Variants in ITGA10 observed in about 807,000 individuals in gnomAD.
ITGA10 encodes integrin alpha-10.
A neutral mutation model predicts 145.2 loss-of-function variants in ITGA10; 105 were observed. That is an observed-to-expected ratio of 0.72 (90% confidence interval 0.62 to 0.85). ITGA10 has a LOEUF of 0.85. Among genes scored for constraint, ITGA10 ranks in the 40% least tolerant of loss-of-function variants. The pLI, the probability that ITGA10 is intolerant of heterozygous loss-of-function variation, is 0.00. For missense variants in ITGA10, 1,317 were observed against 1,444.5 expected (o/e 0.91, Z 1.43); for synonymous variants, 506 against 557.8 (o/e 0.91, Z 1.31).
intron 16 of ITGA10, 44 bp from the exon 17 acceptor site, chr1:145,899,122 AG>A: frequency 6.2e-7 from 1 of 1,614,262 alleles, no homozygotes. Context: ...GGGTCTAGTG[AG>A]GAAGGCATGC....
At chr1:145,899,711 A>G (rs1239814494) in intron 15 of ITGA10, among the ~76,000 whole-genome samples, 1 of 151,990 alleles carries the variant, frequency 6.6e-6, no homozygotes, top group Non-Finnish European at 1.5e-5. Flanking sequence ...GGGTTTCACC[A>G]TGTTGGTCAG....
In ITGA10 at chr1:145,902,519, A is replaced by T. The variant is rs1553749261; in HGVS notation, c.1010T>A (p.Val337Asp). Residue 337 changes from valine to aspartate, a missense_variant, in exon 9 of 30, where the codon GTC becomes GAC. Transcript: ENST00000369304. The stretch of plus-strand genomic sequence containing the variant: ...GTCAGTCAGAGCAGCCTCATCTGTG[A>T]CATTGAAGAAGAATCGCTCATCTGG... ...SDPDERFFFN[V>D]TDEAALTDIV... 1 of 1,613,946 alleles carries T rather than the reference A, an allele frequency of 6.2e-7. No homozygotes were observed. Among genetic ancestry groups the T allele is most frequent in the South Asian group, 1.1e-5 (1 of 91,042 alleles).
rs2101803676 is a variant in ITGA10 at position 145,902,279 on chromosome 1, C to T, written c.1116G>A (p.Met372Ile). The T allele has an allele frequency of 6.2e-7, 1 of 1,614,162 alleles. No homozygotes were observed. Among genetic ancestry groups the T allele is most frequent in the Non-Finnish European group, 8.5e-7 (1 of 1,180,030 alleles). ...AENESSFGLE[M>I]SQIGFSTHRL... ...GATGAGTGGAGAAACCAATCTGAGA[C>T]ATTTCCAGCCCAAAGGAGCTTTCGT... Residue 372 changes from methionine to isoleucine, a missense_variant, in exon 10 of 30, where the codon ATG becomes ATA. Transcript: ENST00000369304.
rs1656304522 is a variant in ITGA10, at chr1:145,901,457, C to T, written c.1443+59G>A. ...CTCTCTTACCCACTTCACACTCCTCCCCAACAGCCCAGAGGTCCCTGGGAA... is the reference window on the plus strand; with the variant it reads ...CTCTCTTACCCACTTCACACTCCTCTCCAACAGCCCAGAGGTCCCTGGGAA... On this transcript the variant is annotated intron_variant, in intron 12 of 29. Coordinates refer to ENST00000369304, the MANE Select transcript of ITGA10 (RefSeq NM_003637.5). This position sits in a 1 kb window ranked among gnomAD's most constrained non-coding sequence, Gnocchi z 4.3. 3.3e-6 allele frequency: 5 copies of T among 1,517,998 alleles called. No individual in the cohort carries two copies. In the South Asian group the frequency reaches 5.2e-5, roughly 16 times the overall value. 94.0% of individuals were successfully genotyped at this position (1,517,998 alleles called of 1,614,324 possible).
chr1:145,906,512 G>T lies in ITGA10; in HGVS notation c.367-4C>A, dbSNP rs1553751099. 6.2e-7 allele frequency: 1 copy of T among 1,612,814 alleles called. No individual in the cohort carries two copies. The highest frequency in any genetic ancestry group is 1.1e-5 in the South Asian group (1 of 91,054). On this transcript the variant is annotated splice_polypyrimidine_tract_variant and splice_region_variant and intron_variant, in intron 4 of 29. Transcript: ENST00000369304. ...GAGACCAGAGAGGGGCACAGGCCTG[G>T]GGATGGGGGAAATAGTTACTCCCAG...
chr1:145,893,821 A>T (rs976510552), intron 27 of ITGA10, among the ~76,000 whole-genome samples, 186 bp from the exon 28 acceptor site: 2 of 152,138 alleles, frequency 1.3e-5, no homozygotes, highest in African/African-American at 4.8e-5. Context: ...CCCTGGTCAC[A>T]TCTGCTGCTG....
At position 145,901,355 on chromosome 1, in the gene ITGA10, T is replaced by A; in HGVS notation, c.1444-77A>T. 6.4e-7 allele frequency: 1 copy of A among 1,562,224 alleles called. No individual in the cohort carries two copies. The highest frequency in any genetic ancestry group is 8.7e-7 in the Non-Finnish European group (1 of 1,144,822). ...GACAAGTGGACTCAGTGGGAAGCAC[T>A]CACCAGCCTGCTAGTCTGCTCCTTA... On this transcript the variant is annotated intron_variant, in intron 12 of 29. Coordinates refer to ENST00000369304, the MANE Select transcript of ITGA10 (RefSeq NM_003637.5). This position sits in a 1 kb window ranked among gnomAD's most constrained non-coding sequence, Gnocchi z 4.3.
Position 145,902,930 on chromosome 1 carries a change from G to A in ITGA10, c.790C>T (p.Arg264Ter), listed in dbSNP as rs782338989. The A allele has an allele frequency of 2.4e-5, 39 of 1,611,250 alleles. No homozygotes were observed. Among genetic ancestry groups the A allele is most frequent in the Admixed American group, 1.2e-4 (7 of 59,776 alleles). The change falls in exon 8 of 30, where the codon CGA becomes TGA. Residue 264 changes from arginine to a stop codon, truncating the protein, a stop_gained. Coordinates refer to ENST00000369304, the MANE Select transcript of ITGA10 (RefSeq NM_003637.5). LOFTEE classifies it high-confidence loss of function. The part of the protein sequence containing the change: ...TEGFSQSHGG[R>*]PEAARLLVVV... Reference sequence around the variant, plus strand: ...ACCAGTAGCCTGGCAGCCTCGGGTCGGCCCCCATGGGACTGACTGAACCCT... The same window carrying A: ...ACCAGTAGCCTGGCAGCCTCGGGTCAGCCCCCATGGGACTGACTGAACCCT...
intron 28 of ITGA10, 48 bp downstream of exon 28, chr1:145,893,492 C>A: frequency 1.4e-6 from 2 of 1,446,064 alleles, no homozygotes; most frequent in African/African-American, 1.4e-5. Context: ...CTACCACATA[C>A]CCATCATCAT....
In ITGA10 at chr1:145,891,813, C is replaced by T. The variant is rs1654779660; in HGVS notation, c.*985G>A. The T allele has an allele frequency of 6.6e-6, 1 of 152,260 alleles. No homozygotes were observed. Among genetic ancestry groups the T allele is most frequent in the African/African-American group, 2.4e-5 (1 of 41,458 alleles). The allele number at this position is 152,260 out of a possible 1,614,324, so 9.4% of individuals were successfully genotyped here. A position where few individuals can be genotyped will look rare whatever the true frequency, so the allele number is the denominator to read the frequency against. On this transcript the variant is annotated 3_prime_UTR_variant, in exon 30 of 30. Coordinates refer to ENST00000369304, the MANE Select transcript of ITGA10 (RefSeq NM_003637.5). ...TAGGTTTCTTAATGCAGACTCCACA[C>T]TTTTAGATCCCATGGGGCTGCTGCT...
chr1:145,906,121 G>A lies in ITGA10; in HGVS notation c.481+273C>T. 2.2e-5 allele frequency: 7 copies of A among 319,140 alleles called. No individual in the cohort carries two copies. The South Asian group carries it at 2.5e-4, about 11-fold the overall frequency. 19.8% of individuals were successfully genotyped at this position (319,140 alleles called of 1,614,324 possible). ...ATTTTTTTTTTTTAGTAGAGATGGAGTTTCACCATGTTGGCCAGGCTGGTC... is the reference window on the plus strand; with the variant it reads ...ATTTTTTTTTTTTAGTAGAGATGGAATTTCACCATGTTGGCCAGGCTGGTC... On this transcript the variant is annotated intron_variant, in intron 5 of 29. Transcript: ENST00000369304.
chr1:145,895,662 T>G lies in ITGA10; in HGVS notation c.3083A>C (p.His1028Pro), dbSNP rs781852864. Residue 1028 changes from histidine to proline, a missense_variant, in exon 26 of 30, where the codon CAT becomes CCT. Physicochemically the swap from His to Pro is moderately conservative, Grantham distance 77. Coordinates refer to ENST00000369304, the MANE Select transcript of ITGA10 (RefSeq NM_003637.5). ...NLTEPPGPPV[H>P]PEELQHTNRL... is the part of the protein sequence containing the mutation. ...GTTTGTGTGTTGAAGCTCCTCTGGA[T>G]GCACAGGTGGGCCTGGGGGTTCAGT... 39 of 1,614,112 alleles carry G rather than the reference T, an allele frequency of 2.4e-5. No individual in the cohort carries two copies. The highest frequency in any genetic ancestry group is 1.6e-5 in the Non-Finnish European group (19 of 1,180,040).
In ITGA10 at chr1:145,902,320, C is replaced by G; in HGVS notation, c.1076-1G>C. 1 of 1,614,034 alleles carries G rather than the reference C, an allele frequency of 6.2e-7. No individual in the cohort carries two copies. Among genetic ancestry groups the G allele is most frequent in the Non-Finnish European group, 8.5e-7 (1 of 1,179,910 alleles). On this transcript the variant is annotated splice_acceptor_variant, in intron 9 of 29. Transcript: ENST00000369304. LOFTEE classifies it high-confidence loss of function. ...GAGCTTTCGTTTTCTGCATGGGACC[C>G]TTGGTCATGAGAAAACATTGAGACA...
intron 22 of ITGA10, 71 bp downstream of exon 22, chr1:145,896,940 G>A: frequency 1.3e-6 from 2 of 1,526,656 alleles, no homozygotes; most frequent in Non-Finnish European, 1.8e-6. Flanking sequence ...AATCAATGTT[G>A]TTCCTCCCCA....
rs782110549 is a variant in ITGA10 at position 145,902,240 on chromosome 1, T to G, written c.1149+6A>C. The G allele has an allele frequency of 6.2e-7, 1 of 1,613,980 alleles. No individual in the cohort carries two copies. Among genetic ancestry groups the G allele is most frequent in the Non-Finnish European group, 8.5e-7 (1 of 1,179,866 alleles). On this transcript the variant is annotated splice_donor_region_variant and intron_variant, in intron 10 of 29. Transcript: ENST00000369304. ...GAGAAGTAATGAAGGGGTCAATCTG[T>G]CCAACCTTTAGCCGATGAGTGGAGA...
rs782036626 is a variant in ITGA10, at chr1:145,900,754, A to G, written c.1791+36T>C. ...AGAGCATCCCCCTATTCCTCTTCCT[A>G]CAACCGTGCCCCTGCTTTATTTGGG... On this transcript the variant is annotated intron_variant, in intron 14 of 29. Coordinates refer to ENST00000369304, the MANE Select transcript of ITGA10 (RefSeq NM_003637.5). The G allele has an allele frequency of 1.9e-6, 3 of 1,603,346 alleles. No homozygotes were observed. In the South Asian group the frequency reaches 3.3e-5, roughly 18 times the overall value.
rs1469344868 is a variant in ITGA10, at chr1:145,899,058, G to A, written c.2110C>T (p.Leu704=). 1.2e-6 allele frequency: 2 copies of A among 1,614,158 alleles called. No individual in the cohort carries two copies. Among genetic ancestry groups the A allele is most frequent in the Non-Finnish European group, 1.7e-6 (2 of 1,180,070 alleles). ...CGTGCCCCAGCAGTCCATTCATCCA[G>A]TGATGCGGTGAACCTCATGTCTGAA... ...HQFYMRFTAS[L]DEWTAGARAA... Residue 704 remains leucine (L), a synonymous_variant, in exon 17 of 30, where the codon CTG becomes TTG. Transcript: ENST00000369304.
rs782669573 is a variant in ITGA10 at position 145,899,065 on chromosome 1, G to A, written c.2103C>T (p.Thr701=). The change falls in exon 17 of 30, where the codon ACC becomes ACT. Residue 701 remains threonine, a synonymous_variant. Coordinates refer to ENST00000369304, the MANE Select transcript of ITGA10 (RefSeq NM_003637.5). ...RWDHQFYMRF[T]ASLDEWTAGA... is the part of the protein sequence containing the mutation. ...CAGCAGTCCATTCATCCAGTGATGCGGTGAACCTCATGTCTGAATGAAGGA... is the reference window on the plus strand; with the variant it reads ...CAGCAGTCCATTCATCCAGTGATGCAGTGAACCTCATGTCTGAATGAAGGA... 24 of 1,614,130 alleles carry A rather than the reference G, an allele frequency of 1.5e-5. No individual in the cohort carries two copies. Among genetic ancestry groups the A allele is most frequent in the East Asian group, 1.1e-4 (5 of 44,902 alleles).
At position 145,898,947 on chromosome 1, in the gene ITGA10, A is replaced by C; in HGVS notation, c.2221T>G (p.Phe741Val). 1 of 1,613,902 alleles carries C rather than the reference A, an allele frequency of 6.2e-7. No homozygotes were observed. Among genetic ancestry groups the C allele is most frequent in the Non-Finnish European group, 8.5e-7 (1 of 1,179,844 alleles). Residue 741 changes from phenylalanine to valine, a missense_variant, in exon 17 of 30, where the codon TTC (phenylalanine) becomes GTC (valine). Phe to Val is a conservative substitution (Grantham distance 50, BLOSUM62 -1). Coordinates refer to ENST00000369304, the MANE Select transcript of ITGA10 (RefSeq NM_003637.5). The stretch of plus-strand genomic sequence containing the variant: ...TGCCCTCTCCTTACCAGCACATGGA[A>C]GTGTAGCTGCTCACAAGTGACATTC... ...VGNVTCEQLH[F>V]HVLDTSDYLR...
Sources: allele counts gnomAD v4.1 joint callset (sites outside exome capture counted in the v4.1 genomes callset), GRCh38; gene constraint gnomAD v4.1.1; non-coding constraint Gnocchi (gnomAD v3.1); transcripts MANE v1.5; gene names NCBI Gene and HGNC (gene_info 2026-07-23, HGNC 2026-07-21).